The following OLFM2 variants were observed in gnomAD, a reference collection of about 807,000 sequenced individuals.
OLFM2 encodes olfactomedin 2, also known as noelin-2.
OLFM2 carries 20 observed loss-of-function variants against 43.9 expected under a neutral mutation model. The ratio of observed to expected loss-of-function variants is 0.46; its 90% CI spans 0.32 to 0.66. OLFM2 has a LOEUF of 0.66. Among genes scored for constraint, OLFM2 ranks in the 30% least tolerant of loss-of-function variants. The pLI, the probability that OLFM2 is intolerant of heterozygous loss-of-function variation, is 0.04. For missense variants in OLFM2, 416 were observed against 643.6 expected, an observed-to-expected ratio of 0.65 and a Z score of 3.83; for synonymous variants, 268 against 278.6, an observed-to-expected ratio of 0.96 and a Z score of 0.38.
chr19:9,915,536 G>A (rs866472943), intron 1 of OLFM2, among the ~76,000 whole-genome samples: 26 of 114,524 alleles, frequency 2.3e-4, no homozygotes, highest in East Asian at 1.1e-3. Context: ...TTATTTATTT[G>A]AGACGGAGTC....
At chr19:9,906,866 C>T (rs927218399) in intron 1 of OLFM2, among the ~76,000 whole-genome samples, 7 of 152,178 alleles carry the variant, frequency 4.6e-5, no homozygotes, top group African/African-American at 1.7e-4. Flanking sequence ...CTCCCCTTCC[C>T]TCTCCCTCCC....
At chr19:9,863,513 T>G (rs2046379320) in intron 1 of OLFM2, among the ~76,000 whole-genome samples, 1 of 152,004 alleles carries the variant, frequency 6.6e-6, no homozygotes. Flanking sequence ...TCTGGTCCTA[T>G]TCCAGGATGC....
chr19:9,860,364 A>G (rs114103141), intron 2 of OLFM2, among the ~76,000 whole-genome samples: 2,034 of 151,274 alleles, frequency 0.013, 42 homozygotes, highest in African/African-American at 0.047. Context: ...AGTCCCAGCT[A>G]CTCAGAGGCT....
chr19:9,923,482 G>C (rs1276686618), intron 1 of OLFM2, among the ~76,000 whole-genome samples: 1 of 151,194 alleles, frequency 6.6e-6, no homozygotes, highest in Non-Finnish European at 1.5e-5. Flanking sequence ...CTTGAACCTG[G>C]GAGGCAGAGG....
At chr19:9,871,610 A>G (rs1599471722) in intron 1 of OLFM2, among the ~76,000 whole-genome samples, 1 of 149,112 alleles carries the variant, frequency 6.7e-6, no homozygotes, top group Non-Finnish European at 1.5e-5. Context: ...CCAAAGCATC[A>G]CTGCCTGTAA....
In OLFM2 at chr19:9,861,116, CAAAT is replaced by C. The variant is rs149450688; in HGVS notation, c.64-326_64-323del. ...ACTGCCATTAGAACAGAGATCCACT[CAAAT>C]AACCCCCAAACCTGGACCTCCTCTC... is the stretch of plus-strand genomic sequence containing the variant. On this transcript the variant is annotated intron_variant, in intron 1 of 5. Coordinates refer to ENST00000264833, the MANE Select transcript of OLFM2 (RefSeq NM_058164.4). Among the ~76,000 whole-genome samples the C allele has an allele frequency of 0.14, 21,003 of 151,794 alleles. 1,614 individuals carry two copies. Among genetic ancestry groups the C allele is most frequent in the African/African-American group, 0.19 (7,760 of 41,360 alleles).
intron 1 of OLFM2, among the ~76,000 whole-genome samples, chr19:9,896,098 T>TC (rs1568379082): frequency 1.4e-5 from 2 of 140,280 alleles, no homozygotes; most frequent in South Asian, 4.7e-4. Context: ...TTAATTTTTT[T>TC]TTTTTTTTTT....
At position 9,860,764 on chromosome 19, in the gene OLFM2, G is replaced by C. The variant is rs2046360654; in HGVS notation, c.94C>G (p.Gln32Glu). 1 of 1,608,874 alleles carries C rather than the reference G, an allele frequency of 6.2e-7. No homozygotes were observed. Among genetic ancestry groups the C allele is most frequent in the Admixed American group, 1.7e-5 (1 of 59,376 alleles). ...GGGGCCTGGGCTGAGGTGTACAGCT[G>C]CCAGCCCTCTTCTGGGTTCTGGAAG... ...TLFQNPEEGWQLYTSAQAPDG... is the reference protein window; with the variant it reads ...TLFQNPEEGWELYTSAQAPDG... Residue 32 changes from glutamine to glutamate, a missense_variant, in exon 2 of 6, where the codon CAG becomes GAG. Physicochemically the swap from Gln to Glu is conservative, Grantham distance 29. Transcript: ENST00000264833.
At chr19:9,919,230 G>A (rs1009537671) in intron 1 of OLFM2, among the ~76,000 whole-genome samples, 3 of 151,454 alleles carry the variant, frequency 2.0e-5, no homozygotes, top group African/African-American at 7.3e-5. Flanking sequence ...GCAATGGGAT[G>A]ATCTCGGCTC....
Position 9,921,589 on chromosome 19 carries a change from T to C in OLFM2, c.63+14715A>G, listed in dbSNP as rs867850978. Among the ~76,000 whole-genome samples, 7 of 151,936 alleles carry C rather than the reference T, an allele frequency of 4.6e-5. 1 individual carries two copies. The Middle Eastern group carries it at 0.02, about 443-fold the overall frequency. On this transcript the variant is annotated intron_variant, in intron 1 of 5. Transcript: ENST00000264833. ...CTGCAAGCTCTGCCTCCCGGGCTCATGCCATTCTCCTGCCTCGGCCTCCCA... is the reference window on the plus strand; with the variant it reads ...CTGCAAGCTCTGCCTCCCGGGCTCACGCCATTCTCCTGCCTCGGCCTCCCA...
Position 9,936,363 on chromosome 19 carries a change from A to T in OLFM2, c.4T>A (p.Trp2Arg). The change falls in exon 1 of 6, where the codon TGG becomes AGG. Residue 2 changes from tryptophan to arginine, a missense_variant. Physicochemically the swap from Trp to Arg is moderately radical, Grantham distance 101. Transcript: ENST00000264833. M[W>R]PLTVPPPLLL... ...AGCGGCGGCGGGACCGTGAGCGGCC[A>T]CATGACGCGCCCCTAGCCCGGCGTC... The T allele has an allele frequency of 2.7e-6, 4 of 1,494,950 alleles. No individual in the cohort carries two copies. The highest frequency in any genetic ancestry group is 3.5e-6 in the Non-Finnish European group (4 of 1,128,628). The allele number at this position is 1,494,950 out of a possible 1,614,324, so 92.6% of individuals were successfully genotyped here.
chr19:9,859,305 TTTTATTTA>T (rs71188843), intron 2 of OLFM2, among the ~76,000 whole-genome samples: 1 of 150,138 alleles, frequency 6.7e-6, no homozygotes, highest in African/African-American at 2.5e-5. Flanking sequence ...AATTTGTAAG[TTTTATTTA>T]TTTATTTATT....
At position 9,936,377 on chromosome 19, in the gene OLFM2, T is replaced by C. The variant is rs1460811589; in HGVS notation, c.-11A>G. 2.1e-6 allele frequency: 3 copies of C among 1,437,688 alleles called. No individual in the cohort carries two copies. Among genetic ancestry groups the C allele is most frequent in the Admixed American group, 2.5e-5 (1 of 40,748 alleles). 89.1% of individuals were successfully genotyped at this position (1,437,688 alleles called of 1,614,324 possible). A position where few individuals can be genotyped will look rare whatever the true frequency, so the allele number is the denominator to read the frequency against. On this transcript the variant is annotated 5_prime_UTR_variant, in exon 1 of 6. Coordinates refer to ENST00000264833, the MANE Select transcript of OLFM2 (RefSeq NM_058164.4). ...CGTGAGCGGCCACATGACGCGCCCC[T>C]AGCCCGGCGTCCCGACCCCCGCCCG...
intron 1 of OLFM2, among the ~76,000 whole-genome samples, chr19:9,863,853 G>A (rs761234584): frequency 3.3e-5 from 5 of 152,078 alleles, no homozygotes; most frequent in Non-Finnish European, 7.4e-5. Context: ...ATTCATAAAC[G>A]CCAGCTGAAA....
At chr19:9,873,053 A>G (rs2046456344) in intron 1 of OLFM2, among the ~76,000 whole-genome samples, 1 of 152,234 alleles carries the variant, frequency 6.6e-6, no homozygotes, top group Non-Finnish European at 1.5e-5. Context: ...TACAGATGGG[A>G]AAACTGAGAT....
At chr19:9,882,908 A>T (rs10415152) in intron 1 of OLFM2, among the ~76,000 whole-genome samples, 120,421 of 149,908 alleles carry the variant, frequency 0.8, 48,890 homozygotes, top group Non-Finnish European at 0.86. Flanking sequence ...TAAAAAAAAT[A>T]AAAAAAAAAG....
intron 1 of OLFM2, among the ~76,000 whole-genome samples, chr19:9,933,812 T>C (rs1171246684): frequency 6.7e-6 from 1 of 149,696 alleles, no homozygotes; most frequent in Non-Finnish European, 1.5e-5. Flanking sequence ...TTGCCTCAAC[T>C]TCCCAAAATG....
At chr19:9,884,709 TC>T (rs1002151067) in intron 1 of OLFM2, among the ~76,000 whole-genome samples, 16 of 152,152 alleles carry the variant, frequency 1.1e-4, no homozygotes, top group African/African-American at 3.9e-4. Flanking sequence ...TCTCCACAGC[TC>T]CCTGCCCCTT....
chr19:9,856,459 T>G lies in OLFM2; in HGVS notation c.687+348A>C, dbSNP rs1275945525. Among the ~76,000 whole-genome samples the G allele has an allele frequency of 6.6e-6, 1 of 152,214 alleles. No individual in the cohort carries two copies. Among genetic ancestry groups the G allele is most frequent in the Non-Finnish European group, 1.5e-5 (1 of 68,034 alleles). On this transcript the variant is annotated intron_variant, in intron 5 of 5. Transcript: ENST00000264833. This position sits in a 1 kb window ranked among gnomAD's most constrained non-coding sequence, Gnocchi z 4.0. ...TCATGACCATGGAAGCTACTAGAAG[T>G]CCGAAGGTCACTGAGCAGTGCTTGG...
Sources: gnomAD v4.1 joint callset for allele counts (sites outside exome capture counted in the v4.1 genomes callset) on GRCh38, gnomAD v4.1.1 for gene constraint, Gnocchi (gnomAD v3.1) non-coding constraint, MANE v1.5 for transcripts, NCBI Gene and HGNC (gene_info 2026-07-23, HGNC 2026-07-21) for gene names.